The following CPAMD8 variants were observed in gnomAD, a reference collection of about 807,000 sequenced individuals.
CPAMD8 encodes the protein C3 and PZP like alpha-2-macroglobulin domain containing 8.
CPAMD8 carries 146 observed loss-of-function variants against 224.7 expected under a neutral mutation model. The observed-to-expected ratio is 0.65, with a 90% CI of 0.57 to 0.75. The LOEUF (loss-of-function observed/expected upper bound fraction) is 0.75, where lower values mean the gene tolerates loss of function less well. Among genes scored for constraint, CPAMD8 ranks in the 30% least tolerant of loss-of-function variants. The pLI, the probability that CPAMD8 is intolerant of heterozygous loss-of-function variation, is 0.00. For missense variants in CPAMD8, 2,301 were observed against 2,537.5 expected, an observed-to-expected ratio of 0.91 and a Z score of 2.00; for synonymous variants, 966 against 1,044.6, an observed-to-expected ratio of 0.92 and a Z score of 1.45.
chr19:16,903,668 A>G (rs2144741876), intron 33 of CPAMD8, 34 bp downstream of exon 33: 1 of 1,613,906 alleles, frequency 6.2e-7, no homozygotes, highest in Non-Finnish European at 8.5e-7. Flanking sequence ...CCCTCCTCCA[A>G]CAACCCCCAA....
chr19:17,017,029 T>G (rs1053337033), intron 3 of CPAMD8, among the ~76,000 whole-genome samples: 1 of 151,574 alleles, frequency 6.6e-6, no homozygotes, highest in African/African-American at 2.4e-5. Context: ...GAGCAGTGGG[T>G]GAGCAAATGA....
chr19:16,944,502 C>G (rs1349214964), intron 22 of CPAMD8, among the ~76,000 whole-genome samples: 1 of 152,178 alleles, frequency 6.6e-6, no homozygotes, highest in Non-Finnish European at 1.5e-5. Context: ...CCTCCAGGTT[C>G]TGCAGCTCGG....
chr19:16,949,701 A>T lies in CPAMD8; in HGVS notation c.2508+2268T>A, dbSNP rs139104684. 4.8e-4 allele frequency among the ~76,000 whole-genome samples: 73 copies of T among 152,232 alleles called. No homozygotes were observed. In the East Asian group the frequency reaches 9.3e-3, roughly 19 times the overall value. ...CCAAAGCCAAGCCAAACTATGTCTG[A>T]GGCAGGACCCAGGAAAGGTCAAGCT... On this transcript the variant is annotated intron_variant, in intron 20 of 41. Transcript: ENST00000443236.
intron 3 of CPAMD8, among the ~76,000 whole-genome samples, chr19:17,019,996 CG>C (rs1568611299): frequency 2.1e-5 from 2 of 94,218 alleles, no homozygotes; most frequent in African/African-American, 8.8e-5. Context: ...TTTGGTGAGA[CG>C]GAGATTTACT....
intron 13 of CPAMD8, among the ~76,000 whole-genome samples, chr19:16,988,425 A>G (rs989275143): frequency 6.6e-6 from 1 of 152,170 alleles, no homozygotes; most frequent in Admixed American, 6.6e-5. Flanking sequence ...AGCCTGGCCA[A>G]CATGGTGAAA....
intron 22 of CPAMD8, among the ~76,000 whole-genome samples, chr19:16,942,756 G>A (rs576336504): frequency 1.2e-4 from 18 of 152,244 alleles, no homozygotes; most frequent in Non-Finnish European, 1.6e-4. Flanking sequence ...AGCCCATCTC[G>A]GGCTGCACTT....
chr19:16,981,255 G>A (rs1296217061), intron 13 of CPAMD8, among the ~76,000 whole-genome samples: 1 of 152,134 alleles, frequency 6.6e-6, no homozygotes, highest in African/African-American at 2.4e-5. Flanking sequence ...CCGCTACTCA[G>A]GGGGCTGAAG....
At position 17,009,142 on chromosome 19, in the gene CPAMD8, G is replaced by A. The variant is rs2056578646; in HGVS notation, c.504+161C>T. On this transcript the variant is annotated intron_variant, in intron 6 of 41. Coordinates refer to ENST00000443236, the MANE Select transcript of CPAMD8 (RefSeq NM_015692.5). ...CAGACACACACACAGCCCATCCCAG[G>A]GCGGACCCAGGGACCAGGATAGAAG... The A allele has an allele frequency of 5.2e-6, 6 of 1,143,138 alleles. No homozygotes were observed. In the South Asian group the frequency reaches 7.0e-5, roughly 13 times the overall value. The allele number at this position is 1,143,138 out of a possible 1,614,324, so 70.8% of individuals were successfully genotyped here.
chr19:16,962,328 A>G (rs562007400), intron 18 of CPAMD8, among the ~76,000 whole-genome samples: 45 of 152,342 alleles, frequency 3.0e-4, no homozygotes, highest in African/African-American at 9.6e-4. Flanking sequence ...TAGAATAAAC[A>G]GCATAGAGAA....
At chr19:16,966,106 A>G (rs1475531523) in intron 18 of CPAMD8, among the ~76,000 whole-genome samples, 1 of 152,226 alleles carries the variant, frequency 6.6e-6, no homozygotes, top group Non-Finnish European at 1.5e-5. Flanking sequence ...ACAAGGCTAC[A>G]GTAACCAAAA....
In CPAMD8 at chr19:16,978,817, T is replaced by C. The variant is rs146889549; in HGVS notation, c.1586-1277A>G. 9.4e-3 allele frequency among the ~76,000 whole-genome samples: 1,421 copies of C among 150,396 alleles called. 35 individuals are homozygous for C. Among genetic ancestry groups the C allele is most frequent in the African/African-American group, 0.032 (1,323 of 40,954 alleles). ...TCCATCTCTTCATCCATCCACCATC[T>C]ACCCATCCATCCACTCACCCACCAT... On this transcript the variant is annotated intron_variant, in intron 14 of 41. Transcript: ENST00000443236.
Position 16,975,171 on chromosome 19 carries a change from C to T in CPAMD8, c.1996G>A (p.Ala666Thr), listed in dbSNP as rs374281840. The T allele has an allele frequency of 5.0e-6, 8 of 1,612,060 alleles. No homozygotes were observed. Among genetic ancestry groups the T allele is most frequent in the East Asian group, 4.5e-5 (2 of 44,854 alleles). The change falls in exon 17 of 42, where the codon GCA (alanine) becomes ACA (threonine). Residue 666 changes from alanine (A) to threonine (T), a missense_variant. Ala to Thr is a moderately conservative substitution (Grantham distance 58). Coordinates refer to ENST00000443236, the MANE Select transcript of CPAMD8 (RefSeq NM_015692.5). ...DGPFWWAGLTAQRRRRSSVFP... is the reference protein window; with the variant it reads ...DGPFWWAGLTTQRRRRSSVFP... Reference sequence around the variant, plus strand: ...ACAGAGGAGCGCCGGCGTCGTTGTGCCGTCAGCCCAGCCCACCAAAAAGGA... The same window carrying T: ...ACAGAGGAGCGCCGGCGTCGTTGTGTCGTCAGCCCAGCCCACCAAAAAGGA...
intron 3 of CPAMD8, among the ~76,000 whole-genome samples, chr19:17,012,338 CTTT>C (rs2056679815): frequency 8.2e-6 from 1 of 122,504 alleles, no homozygotes; most frequent in African/African-American, 2.8e-5. Context: ...TTCTTTCTTT[CTTT>C]CTTTCTTTCT....
chr19:17,020,728 G>A (rs1290394996), intron 2 of CPAMD8, among the ~76,000 whole-genome samples: 3 of 152,188 alleles, frequency 2.0e-5, no homozygotes, highest in Non-Finnish European at 4.4e-5. Context: ...GGGGACTGAG[G>A]TCCCCAGTGG....
At position 16,938,457 on chromosome 19, in the gene CPAMD8, G is replaced by GA. The variant is rs768808727; in HGVS notation, c.2794-12dup. 1.9e-6 allele frequency: 3 copies of GA among 1,556,274 alleles called. No individual in the cohort carries two copies. ...GGGGACTCCTTCCGCCTGAAACAAAGAAACAAGGAGAACTGAGTGCTGGGG... is the reference window on the plus strand; with the variant it reads ...GGGGACTCCTTCCGCCTGAAACAAAGAAAACAAGGAGAACTGAGTGCTGGGG... On this transcript the variant is annotated splice_polypyrimidine_tract_variant and intron_variant, in intron 22 of 41. Coordinates refer to ENST00000443236, the MANE Select transcript of CPAMD8 (RefSeq NM_015692.5).
chr19:16,978,058 C>A (rs979631081), intron 14 of CPAMD8, among the ~76,000 whole-genome samples: 1 of 152,136 alleles, frequency 6.6e-6, no homozygotes, highest in African/African-American at 2.4e-5. Flanking sequence ...GAAGCCTGTC[C>A]AGGCACTCCC....
In CPAMD8 at chr19:16,997,465, C is replaced by T. The variant is rs141181521; in HGVS notation, c.868-127G>A. 1.5e-4 allele frequency: 102 copies of T among 666,026 alleles called. 2 individuals are homozygous for T. In the African/African-American group the frequency reaches 1.6e-3, roughly 10 times the overall value. The allele number at this position is 666,026 out of a possible 1,614,324, so 41.3% of individuals were successfully genotyped here. ...TGGAGGGCCAGGGGTCACTTGGTGG[C>T]ATACCCAATCTATGCCACGGGACCA... On this transcript the variant is annotated intron_variant, in intron 10 of 41. Transcript: ENST00000443236.
rs376465201 is a variant in CPAMD8 at position 16,893,099 on chromosome 19, G to A, written c.*9C>T. 58 of 1,230,600 alleles carry A rather than the reference G, an allele frequency of 4.7e-5. No homozygotes were observed. The highest frequency in any genetic ancestry group is 6.9e-5 in the Non-Finnish European group (57 of 831,718). The allele number at this position is 1,230,600 out of a possible 1,614,324, so 76.2% of individuals were successfully genotyped here. ...AACTGCGGTCCCACAACTGCATGTG[G>A]TTGTAGGATTATCTCAAGGTGCAGG... On this transcript the variant is annotated 3_prime_UTR_variant, in exon 42 of 42. Transcript: ENST00000443236.
rs1049130650 is a variant in CPAMD8 at position 16,898,169 on chromosome 19, G to C, written c.4849-175C>G. 5.2e-6 allele frequency: 3 copies of C among 575,058 alleles called. No individual in the cohort carries two copies. In the African/African-American group the frequency reaches 6.0e-5, roughly 12 times the overall value. 35.6% of individuals were successfully genotyped at this position (575,058 alleles called of 1,614,324 possible). On this transcript the variant is annotated intron_variant, in intron 37 of 41. Coordinates refer to ENST00000443236, the MANE Select transcript of CPAMD8 (RefSeq NM_015692.5). This position sits in a 1 kb window ranked among gnomAD's most constrained non-coding sequence, Gnocchi z 4.2. ...CTTTTTTTTTTTTTTTCCTGAGACA[G>C]AGTCTCGCGCTGTTGCCCAGGCTGG...
Sources: gnomAD v4.1 joint callset for allele counts (sites outside exome capture counted in the v4.1 genomes callset) on GRCh38, gnomAD v4.1.1 for gene constraint, Gnocchi (gnomAD v3.1) non-coding constraint, MANE v1.5 for transcripts, NCBI Gene and HGNC (gene_info 2026-07-23, HGNC 2026-07-21) for gene names.